The following SGMS2 variants were observed in gnomAD, a reference collection of about 807,000 sequenced individuals.
The protein encoded by SGMS2 is phosphatidylcholine:ceramide cholinephosphotransferase 2.
SGMS2 carries 21 observed loss-of-function variants against 43.8 expected under a neutral mutation model. The observed-to-expected ratio is 0.48, with a 90% CI of 0.34 to 0.69. The LOEUF (loss-of-function observed/expected upper bound fraction) is 0.69. SGMS2 is among the 30% of genes least tolerant of loss of function. The pLI, the probability that SGMS2 is intolerant of heterozygous loss-of-function variation, is 0.01. For missense variants in SGMS2, 384 were observed against 443.2 expected (o/e 0.87, Z 1.20); for synonymous variants, 167 against 160.6 (o/e 1.04, Z -0.30).
chr4:107,862,568 T>C (rs760288688), intron 2 of SGMS2, among the ~76,000 whole-genome samples: 6 of 152,112 alleles, frequency 3.9e-5, no homozygotes, highest in Non-Finnish European at 5.9e-5. Context: ...GTAGGAAAAA[T>C]AGTAGCCTAT....
chr4:107,855,120 A>G (rs1727350739), intron 1 of SGMS2, among the ~76,000 whole-genome samples: 2 of 152,204 alleles, frequency 1.3e-5, no homozygotes, highest in Admixed American at 1.3e-4. Context: ...TTTAACAAAT[A>G]CATATAATGC....
chr4:107,853,366 G>A (rs911093547), intron 1 of SGMS2, among the ~76,000 whole-genome samples: 1 of 152,156 alleles, frequency 6.6e-6, no homozygotes, highest in African/African-American at 2.4e-5. Context: ...TCTATAATTA[G>A]AAAACACTAT....
At chr4:107,878,626 T>G (rs529682168) in intron 2 of SGMS2, among the ~76,000 whole-genome samples, 1 of 152,282 alleles carries the variant, frequency 6.6e-6, no homozygotes, top group African/African-American at 2.4e-5. Flanking sequence ...ATTTGTCCAT[T>G]CATTCACCTT....
intron 2 of SGMS2, among the ~76,000 whole-genome samples, chr4:107,885,558 T>A (rs974422090): frequency 6.6e-6 from 1 of 152,200 alleles, no homozygotes; most frequent in Non-Finnish European, 1.5e-5. Context: ...ATTTAGAATC[T>A]TTTTGTCAAA....
Position 107,855,955 on chromosome 4 carries a change from A to C in SGMS2, c.-326-2517A>C, listed in dbSNP as rs537984981. On this transcript the variant is annotated intron_variant, in intron 1 of 6. Coordinates refer to ENST00000690982, the MANE Select transcript of SGMS2 (RefSeq NM_001375905.1). ...TATCATGCCTGGAGCCATAATACTT[A>C]ATCGTGGAGTCATGCTAAGTGTGGA... 6.6e-5 allele frequency among the ~76,000 whole-genome samples: 10 copies of C among 152,332 alleles called. 1 individual carries two copies. The South Asian group carries it at 2.1e-3, about 32-fold the overall frequency.
chr4:107,898,118 T>C (rs1730823878), intron 3 of SGMS2, among the ~76,000 whole-genome samples: 1 of 152,178 alleles, frequency 6.6e-6, no homozygotes, highest in Non-Finnish European at 1.5e-5. Flanking sequence ...GGTTTTCCCT[T>C]AACCAAGGGA....
intron 2 of SGMS2, among the ~76,000 whole-genome samples, chr4:107,870,201 T>G (rs903691687): frequency 2.0e-5 from 3 of 152,222 alleles, no homozygotes; most frequent in African/African-American, 7.2e-5. Flanking sequence ...TGGATCCATT[T>G]AAAAATTGTT....
chr4:107,854,818 A>G (rs967872736), intron 1 of SGMS2, among the ~76,000 whole-genome samples: 3 of 152,152 alleles, frequency 2.0e-5, no homozygotes, highest in Admixed American at 2.0e-4. Context: ...ACAGTGAAAA[A>G]CTATCAAGTG....
At chr4:107,875,625 G>A (rs1314510219) in intron 2 of SGMS2, among the ~76,000 whole-genome samples, 3 of 152,088 alleles carry the variant, frequency 2.0e-5, no homozygotes, top group African/African-American at 7.2e-5. Context: ...ACATATACCT[G>A]TGTAACAAGC....
chr4:107,903,527 G>A (rs1375631525), intron 5 of SGMS2, 141 bp downstream of exon 5: 2 of 671,180 alleles, frequency 3.0e-6, no homozygotes, highest in Non-Finnish European at 5.0e-6. Context: ...GTATGTGAAT[G>A]TGAATGTGTG....
chr4:107,905,373 G>A lies in SGMS2; in HGVS notation c.727+1987G>A, dbSNP rs367907876. 2.6e-5 allele frequency among the ~76,000 whole-genome samples: 4 copies of A among 152,126 alleles called. No individual in the cohort carries two copies. The East Asian group carries it at 5.8e-4, about 22-fold the overall frequency. Reference sequence around the variant, plus strand: ...CCATGATTCAGTTATTTCCCACCAGGTCCCTCCCACAGCACATGAGAATTA... The same window carrying A: ...CCATGATTCAGTTATTTCCCACCAGATCCCTCCCACAGCACATGAGAATTA... On this transcript the variant is annotated intron_variant, in intron 5 of 6. Transcript: ENST00000690982.
intron 2 of SGMS2, among the ~76,000 whole-genome samples, chr4:107,892,241 A>G (rs1730290037): frequency 6.6e-6 from 1 of 151,106 alleles, no homozygotes; most frequent in South Asian, 2.1e-4. Context: ...CTCCAAAAAA[A>G]AAAAAAAAAA....
chr4:107,839,713 A>G (rs1726393923), intron 1 of SGMS2, among the ~76,000 whole-genome samples: 1 of 152,190 alleles, frequency 6.6e-6, no homozygotes, highest in South Asian at 2.1e-4. Context: ...CCCTATTTTA[A>G]TACTTTGCTG....
intron 2 of SGMS2, among the ~76,000 whole-genome samples, chr4:107,859,025 G>C (rs1446053422): frequency 1.3e-5 from 2 of 152,164 alleles, no homozygotes; most frequent in African/African-American, 4.8e-5. Flanking sequence ...CAAAATTAAA[G>C]AGCTGTGGCA....
intron 1 of SGMS2, among the ~76,000 whole-genome samples, chr4:107,852,600 A>C (rs908293586): frequency 1.3e-5 from 2 of 152,226 alleles, no homozygotes; most frequent in African/African-American, 4.8e-5. Flanking sequence ...ATAGGATCAT[A>C]CACATATCAT....
At chr4:107,836,847 T>C (rs1456488623) in intron 1 of SGMS2, among the ~76,000 whole-genome samples, 1 of 152,028 alleles carries the variant, frequency 6.6e-6, no homozygotes, top group Non-Finnish European at 1.5e-5. Flanking sequence ...GTAGAGAGAC[T>C]GGGAGAGAGG....
chr4:107,911,955 T>G lies in SGMS2; in HGVS notation c.*1402T>G, dbSNP rs1367162856. On this transcript the variant is annotated 3_prime_UTR_variant, in exon 7 of 7. Coordinates refer to ENST00000690982, the MANE Select transcript of SGMS2 (RefSeq NM_001375905.1). ...TAAAACCTTAGAAAAGTTTTAAGGT[T>G]GCAAAGTTATCAACACTGGGGCAGA... The G allele has an allele frequency of 6.6e-6, 1 of 152,204 alleles. No individual in the cohort carries two copies. The highest frequency in any genetic ancestry group is 2.4e-5 in the African/African-American group (1 of 41,458). 9.4% of individuals were successfully genotyped at this position (152,204 alleles called of 1,614,324 possible).
intron 2 of SGMS2, among the ~76,000 whole-genome samples, chr4:107,873,071 A>G (rs1429365996): frequency 6.6e-6 from 1 of 152,216 alleles, no homozygotes; most frequent in Non-Finnish European, 1.5e-5. Flanking sequence ...TGCAGTTTTT[A>G]TGCTCCGTTC....
At chr4:107,910,188 C>G (rs571369326) in intron 6 of SGMS2, among the ~76,000 whole-genome samples, 162 bp from the exon 7 acceptor site, 1 of 152,056 alleles carries the variant, frequency 6.6e-6, no homozygotes, top group African/African-American at 2.4e-5. Context: ...GTTAGGGGAG[C>G]GGAGTCATGG....
Sources: allele counts gnomAD v4.1 joint callset (sites outside exome capture counted in the v4.1 genomes callset), GRCh38; gene constraint gnomAD v4.1.1; transcripts MANE v1.5; gene names NCBI Gene and HGNC (gene_info 2026-07-23, HGNC 2026-07-21).